The following RTTN variants were observed in gnomAD, a reference collection of about 807,000 sequenced individuals.
The protein encoded by RTTN is rotatin.
Under a neutral mutation model 269.2 loss-of-function variants are expected in RTTN, and 182 were observed. The observed-to-expected ratio is 0.68, with a 90% CI of 0.60 to 0.76. RTTN has a LOEUF of 0.76. RTTN is among the 30% of genes least tolerant of loss of function. The probability of loss-of-function intolerance (pLI) is 0.00; values close to 1 mark genes in which losing one functional copy is unlikely to be tolerated. For synonymous variants in RTTN, 1,006 were observed against 963.5 expected (o/e 1.04, Z -0.82); for missense variants, 2,545 against 2,608.6 (o/e 0.98, Z 0.53).
intron 28 of RTTN, among the ~76,000 whole-genome samples, chr18:70,096,088 C>T (rs559486480): frequency 1.0e-4 from 15 of 150,618 alleles, no homozygotes; most frequent in South Asian, 2.1e-4. Flanking sequence ...TTCATCGATT[C>T]GGCTATTGAT....
intron 2 of RTTN, 58 bp from the exon 3 acceptor site, chr18:70,204,321 A>T: frequency 6.9e-7 from 1 of 1,450,630 alleles, no homozygotes; most frequent in Non-Finnish European, 9.4e-7. Flanking sequence ...TATAACTTAC[A>T]GCAATCAAAA....
intron 43 of RTTN, among the ~76,000 whole-genome samples, chr18:70,027,412 TAAAC>T (rs1031316595): frequency 6.6e-6 from 1 of 152,216 alleles, no homozygotes; most frequent in Admixed American, 6.5e-5. Flanking sequence ...TACTTCTTAT[TAAAC>T]AACTTAGAAA....
intron 44 of RTTN, among the ~76,000 whole-genome samples, chr18:70,022,499 A>G (rs573959567): frequency 6.6e-6 from 1 of 152,196 alleles, no homozygotes; most frequent in African/African-American, 2.4e-5. Context: ...AAACGAGCAA[A>G]AACTCCTCCT....
rs917670313 is a variant in RTTN, at chr18:70,092,912, A to T, written c.3904-108T>A. ...GTATGAATTGAATCCTTACCTTATA[A>T]AGTTGTAATATTTTTAGTTTATATA... is the stretch of plus-strand genomic sequence containing the variant. On this transcript the variant is annotated intron_variant, in intron 28 of 48. Transcript: ENST00000640769. 4.2e-6 allele frequency: 4 copies of T among 945,810 alleles called. No homozygotes were observed. The South Asian group carries it at 1.3e-4, about 30-fold the overall frequency. The allele number at this position is 945,810 out of a possible 1,614,324, so 58.6% of individuals were successfully genotyped here. A position where few individuals can be genotyped will look rare whatever the true frequency, so the allele number is the denominator to read the frequency against.
chr18:70,080,153 A>G (rs376502307), intron 32 of RTTN, among the ~76,000 whole-genome samples: 1 of 152,168 alleles, frequency 6.6e-6, no homozygotes, highest in African/African-American at 2.4e-5. Flanking sequence ...ATCATATCAA[A>G]TATCAAAATA....
intron 34 of RTTN, among the ~76,000 whole-genome samples, chr18:70,069,168 A>G (rs2058228963): frequency 6.6e-6 from 1 of 152,158 alleles, no homozygotes; most frequent in Non-Finnish European, 1.5e-5. Context: ...AACACTGCAC[A>G]GTCTACTTGA....
chr18:70,195,132 C>T (rs1468634639), intron 7 of RTTN, among the ~76,000 whole-genome samples: 1 of 152,176 alleles, frequency 6.6e-6, no homozygotes, highest in Non-Finnish European at 1.5e-5. Context: ...CTGATGTCAC[C>T]TCATTCTCCT....
At chr18:70,201,174 C>A (rs1222223135) in intron 4 of RTTN, among the ~76,000 whole-genome samples, 1 of 152,118 alleles carries the variant, frequency 6.6e-6, no homozygotes, top group Non-Finnish European at 1.5e-5. Context: ...TTTTAATTAA[C>A]TGGGTGGTGA....
intron 25 of RTTN, among the ~76,000 whole-genome samples, chr18:70,125,076 T>C (rs1241807538): frequency 1.3e-5 from 2 of 152,004 alleles, no homozygotes; most frequent in Non-Finnish European, 2.9e-5. Flanking sequence ...CATACACATA[T>C]AAAAACATAC....
At position 70,066,605 on chromosome 18, in the gene RTTN, G is replaced by A. The variant is rs186819624; in HGVS notation, c.4654-683C>T. ...GAAAAACACTTATGTGGTGAGGTCAGATAACTCTTTTCCTTACCATCAATT... is the reference window on the plus strand; with the variant it reads ...GAAAAACACTTATGTGGTGAGGTCAAATAACTCTTTTCCTTACCATCAATT... On this transcript the variant is annotated intron_variant, in intron 34 of 48. Coordinates refer to ENST00000640769, the MANE Select transcript of RTTN (RefSeq NM_173630.4). Among the ~76,000 whole-genome samples the A allele has an allele frequency of 2.0e-5, 3 of 152,302 alleles. No homozygotes were observed. The East Asian group carries it at 5.8e-4, about 29-fold the overall frequency.
intron 46 of RTTN, chr18:70,008,258 C>T (rs1358169756): frequency 6.6e-6 from 1 of 152,118 alleles, no homozygotes; most frequent in African/African-American, 2.4e-5. Flanking sequence ...TGGTCACCAA[C>T]ATCAAAAACC....
chr18:70,024,949 A>C, intron 43 of RTTN, 101 bp from the exon 44 acceptor site: 2 of 1,343,302 alleles, frequency 1.5e-6, no homozygotes, highest in Non-Finnish European at 2.0e-6. Flanking sequence ...AGACCCAAGG[A>C]GAACCCTGTG....
chr18:70,010,173 A>G (rs1348603627), intron 46 of RTTN, among the ~76,000 whole-genome samples: 2 of 152,206 alleles, frequency 1.3e-5, no homozygotes, highest in East Asian at 1.9e-4. Context: ...TATTAGACAC[A>G]TCAACAAGAC....
At chr18:70,038,608 C>A (rs1211607197) in intron 40 of RTTN, among the ~76,000 whole-genome samples, 1 of 152,148 alleles carries the variant, frequency 6.6e-6, no homozygotes, top group African/African-American at 2.4e-5. Flanking sequence ...GGAGGACACA[C>A]ACAAACAAGC....
At chr18:70,134,897 A>G (rs927235433) in intron 22 of RTTN, among the ~76,000 whole-genome samples, 1 of 152,174 alleles carries the variant, frequency 6.6e-6, no homozygotes, top group Non-Finnish European at 1.5e-5. Flanking sequence ...ATTAAGAAAA[A>G]AACACATAGT....
At chr18:70,099,754 T>G (rs1422035149) in intron 28 of RTTN, among the ~76,000 whole-genome samples, 2 of 152,222 alleles carry the variant, frequency 1.3e-5, no homozygotes, top group Admixed American at 6.5e-5. Context: ...AATTAATTTT[T>G]GTGTAAGGTG....
At position 70,109,653 on chromosome 18, in the gene RTTN, T is replaced by G. The variant is rs1322440734; in HGVS notation, c.3748A>C (p.Lys1250Gln). 1.2e-6 allele frequency: 2 copies of G among 1,614,012 alleles called. No individual in the cohort carries two copies. Among genetic ancestry groups the G allele is most frequent in the Non-Finnish European group, 1.7e-6 (2 of 1,180,032 alleles). ...TAGAAATGAGGCGCATCCGTCACTT[T>G]CAGACACTGGAGCAGTTTCAGAGCC... ...QLALKLLQCLKVTDAPHFYGL... is the reference protein window; with the variant it reads ...QLALKLLQCLQVTDAPHFYGL... Residue 1250 changes from lysine (K) to glutamine (Q), a missense_variant, in exon 28 of 49, where the codon AAA becomes CAA. Coordinates refer to ENST00000640769, the MANE Select transcript of RTTN (RefSeq NM_173630.4).
rs1172892807 is a variant in RTTN at position 70,196,878 on chromosome 18, C to T, written c.694-230G>A. Reference sequence around the variant, plus strand: ...CATTTAAATAGAATAGTCAGTGTTTCCTATTTCTAAAATCTGTTAGTTGAG... The same window carrying T: ...CATTTAAATAGAATAGTCAGTGTTTTCTATTTCTAAAATCTGTTAGTTGAG... On this transcript the variant is annotated intron_variant, in intron 6 of 48. Transcript: ENST00000640769. 3.3e-5 allele frequency among the ~76,000 whole-genome samples: 5 copies of T among 152,168 alleles called. No individual in the cohort carries two copies. In the East Asian group the frequency reaches 9.6e-4, roughly 29 times the overall value.
chr18:70,019,073 G>C (rs1051793244), intron 45 of RTTN, among the ~76,000 whole-genome samples: 4 of 152,080 alleles, frequency 2.6e-5, no homozygotes, highest in Admixed American at 2.6e-4. Context: ...GAAGTCTCAG[G>C]CATTTCCTAA....
Sources: gnomAD v4.1 joint callset for allele counts (sites outside exome capture counted in the v4.1 genomes callset) on GRCh38, gnomAD v4.1.1 for gene constraint, MANE v1.5 for transcripts, NCBI Gene and HGNC (gene_info 2026-07-23, HGNC 2026-07-21) for gene names.